DDX60L: variants seen among roughly 807,000 people sequenced by gnomAD.
The protein encoded by DDX60L is DExD/H-box 60 like.
DDX60L carries 191 observed loss-of-function variants against 211.6 expected under a neutral mutation model. The ratio of observed to expected loss-of-function variants is 0.90; its 90% CI spans 0.80 to 1.02. DDX60L has a LOEUF of 1.02. DDX60L is among the 50% of genes least tolerant of loss of function. The probability of loss-of-function intolerance (pLI) is 0.00; values close to 1 mark genes in which losing one functional copy is unlikely to be tolerated. For missense variants in DDX60L, 2,007 were observed against 1,984.1 expected, an observed-to-expected ratio of 1.01 and a Z score of -0.22; for synonymous variants, 706 against 694.1, an observed-to-expected ratio of 1.02 and a Z score of -0.27.
chr4:168,434,710 T>C (rs1752807639), intron 10 of DDX60L, among the ~76,000 whole-genome samples: 1 of 152,190 alleles, frequency 6.6e-6, no homozygotes, highest in African/African-American at 2.4e-5. Flanking sequence ...CTGGTCATAG[T>C]GTTCCTAGAA....
chr4:168,359,850 C>T (rs2149584079), intron 37 of DDX60L, among the ~76,000 whole-genome samples: 1 of 152,286 alleles, frequency 6.6e-6, no homozygotes, highest in East Asian at 1.9e-4. Context: ...TTCTGTACTC[C>T]ACCATCATTA....
At chr4:168,393,325 G>T (rs543869951) in intron 28 of DDX60L, among the ~76,000 whole-genome samples, 163 of 152,102 alleles carry the variant, frequency 1.1e-3, no homozygotes, top group Non-Finnish European at 1.8e-3. Flanking sequence ...GTGAAACCCT[G>T]TCTCTACTAA....
chr4:168,455,835 T>C (rs951327152), intron 7 of DDX60L, among the ~76,000 whole-genome samples: 2 of 152,224 alleles, frequency 1.3e-5, no homozygotes, highest in Non-Finnish European at 2.9e-5. Context: ...TTCTTATGTA[T>C]ACAGATTCTA....
At chr4:168,387,940 C>T (rs1744178317) in intron 29 of DDX60L, among the ~76,000 whole-genome samples, 1 of 152,168 alleles carries the variant, frequency 6.6e-6, no homozygotes, top group African/African-American at 2.4e-5. Flanking sequence ...TCTGAAGTCT[C>T]ACATCTGTTT....
chr4:168,415,637 CAT>C lies in DDX60L; in HGVS notation c.2869+18_2869+19del. The C allele has an allele frequency of 2.0e-6, 3 of 1,506,240 alleles. No individual in the cohort carries two copies. In the South Asian group the frequency reaches 3.9e-5, roughly 20 times the overall value. 93.3% of individuals were successfully genotyped at this position (1,506,240 alleles called of 1,614,324 possible). Reference sequence around the variant, plus strand: ...TAAAATATAAAAATATATAGTAAAACATAAAAAAAATAAGCTTACCAAGTCTA... The same window carrying C: ...TAAAATATAAAAATATATAGTAAAACAAAAAAAATAAGCTTACCAAGTCTA... On this transcript the variant is annotated intron_variant, in intron 21 of 37. Transcript: ENST00000682922.
At chr4:168,472,069 C>T in intron 3 of DDX60L, 133 bp from the exon 4 acceptor site, 1 of 659,506 alleles carries the variant, frequency 1.5e-6, no homozygotes, top group Non-Finnish European at 2.5e-6. Flanking sequence ...TTTTCAAATA[C>T]CTCATTTAAG....
chr4:168,451,737 C>T (rs1235090094), intron 8 of DDX60L, among the ~76,000 whole-genome samples: 1 of 152,186 alleles, frequency 6.6e-6, no homozygotes, highest in Non-Finnish European at 1.5e-5. Context: ...AAGTCCTTAA[C>T]AGAGCCAACA....
At chr4:168,378,017 C>T (rs1742280219) in intron 33 of DDX60L, among the ~76,000 whole-genome samples, 1 of 152,174 alleles carries the variant, frequency 6.6e-6, no homozygotes, top group South Asian at 2.1e-4. Context: ...GCACTCCCAT[C>T]CCTAGCTGTA....
intron 30 of DDX60L, among the ~76,000 whole-genome samples, chr4:168,382,568 A>G (rs1579276977): frequency 1.3e-5 from 2 of 152,152 alleles, no homozygotes; most frequent in East Asian, 3.8e-4. Flanking sequence ...ATTTGAGAAT[A>G]CATTCAATCT....
chr4:168,400,779 T>C (rs774209950), intron 26 of DDX60L, 47 bp downstream of exon 26: 7 of 1,497,222 alleles, frequency 4.7e-6, no homozygotes, highest in Middle Eastern at 1.8e-4. Flanking sequence ...CTTGTAAATA[T>C]TTTAGTCTTC....
chr4:168,376,629 C>T (rs1386940411), intron 33 of DDX60L, among the ~76,000 whole-genome samples: 1 of 151,374 alleles, frequency 6.6e-6, no homozygotes, highest in Admixed American at 6.6e-5. Context: ...ACAGGTGCAG[C>T]TCTACACTCT....
In DDX60L at chr4:168,465,368, T is replaced by C. The variant is rs977412638; in HGVS notation, c.265-3328A>G. Among the ~76,000 whole-genome samples the C allele has an allele frequency of 9.2e-5, 14 of 152,134 alleles. 1 individual carries two copies. The highest frequency in any genetic ancestry group is 7.2e-4 in the Admixed American group (11 of 15,274). On this transcript the variant is annotated intron_variant, in intron 4 of 37. Coordinates refer to ENST00000682922, the MANE Select transcript of DDX60L (RefSeq NM_001012967.3). ...TTTTTTTTCTTTTGCTATTGAGATGTTTGAGTTCCCTGCATATCCTGGATA... is the reference window on the plus strand; with the variant it reads ...TTTTTTTTCTTTTGCTATTGAGATGCTTGAGTTCCCTGCATATCCTGGATA...
Position 168,361,416 on chromosome 4 carries a change from C to G in DDX60L, c.4929-205G>C, listed in dbSNP as rs547061906. The G allele has an allele frequency of 9.0e-6, 4 of 445,470 alleles. No homozygotes were observed. In the South Asian group the frequency reaches 1.5e-4, roughly 17 times the overall value. The allele number at this position is 445,470 out of a possible 1,614,324, so 27.6% of individuals were successfully genotyped here. Reference sequence around the variant, plus strand: ...AAAATTATTAAAGAGATAATTTGACCATTATCAAAGGGGGAGGGTGAAATA... The same window carrying G: ...AAAATTATTAAAGAGATAATTTGACGATTATCAAAGGGGGAGGGTGAAATA... On this transcript the variant is annotated intron_variant, in intron 36 of 37. Transcript: ENST00000682922.
At chr4:168,437,659 T>C (rs1013589190) in intron 10 of DDX60L, among the ~76,000 whole-genome samples, 3 of 152,176 alleles carry the variant, frequency 2.0e-5, no homozygotes, top group Non-Finnish European at 4.4e-5. Flanking sequence ...ATTGCAAGAC[T>C]GACAGAACAG....
At chr4:168,464,774 C>A (rs754792884) in intron 4 of DDX60L, among the ~76,000 whole-genome samples, 4 of 152,048 alleles carry the variant, frequency 2.6e-5, no homozygotes, top group Non-Finnish European at 4.4e-5. Context: ...ATTATATCCA[C>A]CCTATGGTGC....
At chr4:168,448,550 A>G in intron 9 of DDX60L, 88 bp downstream of exon 9, 1 of 1,018,974 alleles carries the variant, frequency 9.8e-7, no homozygotes, top group East Asian at 2.8e-5. Context: ...CAAGAAACAA[A>G]AATGTTGCTG....
chr4:168,435,081 T>A (rs1752855325), intron 10 of DDX60L, among the ~76,000 whole-genome samples: 1 of 152,196 alleles, frequency 6.6e-6, no homozygotes, highest in Non-Finnish European at 1.5e-5. Context: ...ACCCAAAATG[T>A]CACTGTGCTC....
At chr4:168,418,633 T>A in intron 19 of DDX60L, among the ~76,000 whole-genome samples, 1 of 152,258 alleles carries the variant, frequency 6.6e-6, no homozygotes, top group East Asian at 1.9e-4. Flanking sequence ...GTTTATCACC[T>A]AGTTTTCCTT....
rs532318806 is a variant in DDX60L, at chr4:168,373,583, A to G, written c.4776+83T>C. On this transcript the variant is annotated intron_variant, in intron 35 of 37. Transcript: ENST00000682922. ...GACATTTTTCAGTGTTTTGGGTTTG[A>G]GGTCCTATCAAGGCTTCACAGCAAT... 3.0e-5 allele frequency: 42 copies of G among 1,379,362 alleles called. No individual in the cohort carries two copies. The African/African-American group carries it at 5.7e-4, about 19-fold the overall frequency. The allele number at this position is 1,379,362 out of a possible 1,614,324, so 85.4% of individuals were successfully genotyped here. A position where few individuals can be genotyped will look rare whatever the true frequency, so the allele number is the denominator to read the frequency against.
Sources: allele counts gnomAD v4.1 joint callset (sites outside exome capture counted in the v4.1 genomes callset), GRCh38; gene constraint gnomAD v4.1.1; transcripts MANE v1.5; gene names NCBI Gene and HGNC (gene_info 2026-07-23, HGNC 2026-07-21).